GULP1: variants seen among roughly 807,000 people sequenced by gnomAD.
GULP1 encodes the protein PTB domain-containing engulfment adapter protein 1.
A neutral mutation model predicts 40.9 loss-of-function variants in GULP1; 19 were observed. That is an observed-to-expected ratio of 0.46 (90% confidence interval 0.32 to 0.68). The LOEUF is 0.68. Ranked by LOEUF, GULP1 falls within the 30% of genes least tolerant of loss-of-function variation. GULP1 has a pLI of 0.03. For missense variants in GULP1, 312 were observed against 362.2 expected (o/e 0.86, Z 1.12); for synonymous variants, 119 against 117.6 (o/e 1.01, Z -0.08).
chr2:188,339,469 T>C (rs2042692130), intron 1 of GULP1, among the ~76,000 whole-genome samples: 1 of 152,186 alleles, frequency 6.6e-6, no homozygotes, highest in African/African-American at 2.4e-5. Context: ...TTTGGCTGTC[T>C]TGGTTTCCCC....
At chr2:188,563,967 T>C (rs1439497869) in intron 7 of GULP1, among the ~76,000 whole-genome samples, 1 of 151,930 alleles carries the variant, frequency 6.6e-6, no homozygotes, top group African/African-American at 2.4e-5. Flanking sequence ...TCAAGTTTGG[T>C]TTAACATAAG....
chr2:188,426,184 G>A (rs2056175436), intron 2 of GULP1, among the ~76,000 whole-genome samples: 1 of 152,202 alleles, frequency 6.6e-6, no homozygotes, highest in Non-Finnish European at 1.5e-5. Context: ...CAGGTTGTAA[G>A]TGGATTCAAA....
At chr2:188,369,239 G>A (rs2047275062) in intron 1 of GULP1, among the ~76,000 whole-genome samples, 1 of 151,690 alleles carries the variant, frequency 6.6e-6, no homozygotes, top group Non-Finnish European at 1.5e-5. Context: ...GGGATTACAG[G>A]TGTGAGCCAC....
At chr2:188,373,668 C>T (rs952799222) in intron 1 of GULP1, among the ~76,000 whole-genome samples, 7 of 151,820 alleles carry the variant, frequency 4.6e-5, no homozygotes, top group African/African-American at 1.7e-4. Context: ...TATTAAGACA[C>T]AAATGATTTA....
chr2:188,361,090 A>G (rs2152372530), intron 1 of GULP1, among the ~76,000 whole-genome samples: 1 of 152,234 alleles, frequency 6.6e-6, no homozygotes, highest in South Asian at 2.1e-4. Flanking sequence ...ACCATGACGT[A>G]TTAAATGCTA....
rs1704088493 is a variant in GULP1 at position 188,593,967 on chromosome 2, G to A, written c.871G>A (p.Glu291Lys). The change falls in exon 12 of 12, where the codon GAA becomes AAA. Residue 291 changes from glutamate (E) to lysine (K), a missense_variant. Coordinates refer to ENST00000409830, the MANE Select transcript of GULP1 (RefSeq NM_016315.4). ...GGGGTTCAAAATGGGACTAACTCTT[G>A]AAGGCACAGTATTTTGTCTCGACCC... The part of the protein sequence containing the change: ...QEGFKMGLTL[E>K]GTVFCLDPLD... The A allele has an allele frequency of 1.9e-6, 3 of 1,598,600 alleles. No homozygotes were observed. The highest frequency in any genetic ancestry group is 2.6e-6 in the Non-Finnish European group (3 of 1,166,680).
Position 188,439,268 on chromosome 2 carries a change from C to T in GULP1, c.-44-38391C>T, listed in dbSNP as rs532249886. Among the ~76,000 whole-genome samples, 7 of 151,290 alleles carry T rather than the reference C, an allele frequency of 4.6e-5. No individual in the cohort carries two copies. The South Asian group carries it at 1.0e-3, about 22-fold the overall frequency. ...AACATCAATTTTACAAATGAAGAAA[C>T]CTTAAAGAACATTTTTCATTTTGTA... On this transcript the variant is annotated intron_variant, in intron 2 of 11. Transcript: ENST00000409830.
intron 2 of GULP1, among the ~76,000 whole-genome samples, chr2:188,466,173 T>C (rs6744275): frequency 0.13 from 20,129 of 152,056 alleles, 3,300 homozygotes; most frequent in African/African-American, 0.39. Context: ...CAGGCTTTCT[T>C]TTTGTAGAGC....
intron 2 of GULP1, among the ~76,000 whole-genome samples, chr2:188,397,425 C>T (rs1017670632): frequency 3.3e-5 from 5 of 152,046 alleles, no homozygotes; most frequent in African/African-American, 1.2e-4. Flanking sequence ...TCTACTATAC[C>T]CTGAGACGAT....
intron 1 of GULP1, among the ~76,000 whole-genome samples, chr2:188,368,543 T>C (rs111813225): frequency 2.6e-5 from 4 of 152,178 alleles, no homozygotes; most frequent in South Asian, 2.1e-4. Flanking sequence ...ATAACACCAC[T>C]GCACTCCAGC....
chr2:188,335,996 TTAA>T (rs1458811260), intron 1 of GULP1, among the ~76,000 whole-genome samples: 7 of 152,208 alleles, frequency 4.6e-5, no homozygotes, highest in Non-Finnish European at 1.0e-4. Context: ...TGTTCATAAA[TTAA>T]TAATAATTGT....
At chr2:188,494,122 T>A (rs2062674450) in intron 4 of GULP1, among the ~76,000 whole-genome samples, 1 of 151,710 alleles carries the variant, frequency 6.6e-6, no homozygotes, top group African/African-American at 2.4e-5. Context: ...GGAGAAAGAG[T>A]AGGTCCCTAA....
chr2:188,574,745 T>G (rs1699826629), intron 9 of GULP1, among the ~76,000 whole-genome samples: 1 of 152,158 alleles, frequency 6.6e-6, no homozygotes, highest in Non-Finnish European at 1.5e-5. Flanking sequence ...AAGTTAAAGT[T>G]GAATTTCCGT....
At chr2:188,308,218 C>T (rs190125813) in intron 1 of GULP1, among the ~76,000 whole-genome samples, 208 of 152,200 alleles carry the variant, frequency 1.4e-3, no homozygotes, top group Non-Finnish European at 2.5e-3. Context: ...CTGACATCAG[C>T]ACAGTCATTA....
At chr2:188,522,519 A>G (rs1685103351) in intron 4 of GULP1, among the ~76,000 whole-genome samples, 1 of 149,054 alleles carries the variant, frequency 6.7e-6, no homozygotes, top group Non-Finnish European at 1.5e-5. Context: ...TACAAGTAAA[A>G]TATTTAGAAA....
chr2:188,483,403 A>G (rs778908469), intron 3 of GULP1, 28 bp from the exon 4 acceptor site: 2 of 1,288,548 alleles, frequency 1.6e-6, no homozygotes, highest in Non-Finnish European at 1.1e-6. Context: ...GAAACCTAAA[A>G]TTTAACTCTG....
At chr2:188,367,470 A>G (rs2046963277) in intron 1 of GULP1, among the ~76,000 whole-genome samples, 1 of 152,198 alleles carries the variant, frequency 6.6e-6, no homozygotes, top group African/African-American at 2.4e-5. Flanking sequence ...GCTTGTGGGC[A>G]TGGCACAGCA....
In GULP1 at chr2:188,389,865, G is replaced by GTGGGATT. The variant is rs1282752760; in HGVS notation, c.-45+5979_-45+5985dup. ...CCATAGCTTAGCCAAGCGAGAACATGTGGGATTTGTTTCTTTTATTCCTGA... is the reference window on the plus strand; with the variant it reads ...CCATAGCTTAGCCAAGCGAGAACATGTGGGATTTGGGATTTGTTTCTTTTATTCCTGA... On this transcript the variant is annotated intron_variant, in intron 2 of 11. Transcript: ENST00000409830. 9.1e-4 allele frequency among the ~76,000 whole-genome samples: 139 copies of GTGGGATT among 152,076 alleles called. 1 individual carries two copies. Among genetic ancestry groups the GTGGGATT allele is most frequent in the African/African-American group, 3.0e-3 (126 of 41,494 alleles).
rs767922509 is a variant in GULP1 at position 188,483,405 on chromosome 2, T to G, written c.29-26T>G. On this transcript the variant is annotated intron_variant, in intron 3 of 11. Coordinates refer to ENST00000409830, the MANE Select transcript of GULP1 (RefSeq NM_016315.4). The stretch of plus-strand genomic sequence containing the variant: ...ATATGACACCATGGAAACCTAAAAT[T>G]TAACTCTGTGTATTTTTTATTGCAG... 1.5e-4 allele frequency: 197 copies of G among 1,307,364 alleles called. 1 individual carries two copies. The highest frequency in any genetic ancestry group is 1.3e-5 in the Non-Finnish European group (12 of 914,980). The allele number at this position is 1,307,364 out of a possible 1,614,324, so 81.0% of individuals were successfully genotyped here. A position where few individuals can be genotyped will look rare whatever the true frequency, so the allele number is the denominator to read the frequency against.
Sources: allele counts gnomAD v4.1 joint callset (sites outside exome capture counted in the v4.1 genomes callset), GRCh38; gene constraint gnomAD v4.1.1; transcripts MANE v1.5; gene names NCBI Gene and HGNC (gene_info 2026-07-23, HGNC 2026-07-21).